DNMBP: variants seen among roughly 807,000 people sequenced by gnomAD.
DNMBP encodes the protein dynamin-binding protein.
A neutral mutation model predicts 150.0 loss-of-function variants in DNMBP; 87 were observed. That is an observed-to-expected ratio of 0.58 (90% CI 0.49 to 0.69). The LOEUF is 0.69. Ranked by LOEUF, DNMBP falls within the 30% of genes least tolerant of loss-of-function variation. The pLI is 0.00. For synonymous variants in DNMBP, 711 were observed against 750.4 expected (o/e 0.95, Z 0.86); for missense variants, 1,774 against 1,949.0 (o/e 0.91, Z 1.69).
chr10:99,932,671 A>G (rs2040173295), intron 4 of DNMBP, among the ~76,000 whole-genome samples: 1 of 148,520 alleles, frequency 6.7e-6, no homozygotes, highest in Non-Finnish European at 1.5e-5. Flanking sequence ...TTTTATTCCT[A>G]ATGCATTTCC....
In DNMBP at chr10:99,877,092, C is replaced by CGTGTCCTTAA; in HGVS notation, c.*58_*59insTTAAGGACAC. On this transcript the variant is annotated 3_prime_UTR_variant, in exon 17 of 17. Transcript: ENST00000324109. Reference sequence around the variant, plus strand: ...AGCAGGCGCCCTCTCGGTGGGCCGCCAGAACCCTCGGCGGACTGAAAGCAA... The same window carrying CGTGTCCTTAA: ...AGCAGGCGCCCTCTCGGTGGGCCGCCGTGTCCTTAAAGAACCCTCGGCGGACTGAAAGCAA... 1 of 1,383,412 alleles carries CGTGTCCTTAA rather than the reference C, an allele frequency of 7.2e-7. No individual in the cohort carries two copies. Among genetic ancestry groups the CGTGTCCTTAA allele is most frequent in the Non-Finnish European group, 9.5e-7 (1 of 1,056,936 alleles). The allele number at this position is 1,383,412 out of a possible 1,614,324, so 85.7% of individuals were successfully genotyped here. A position where few individuals can be genotyped will look rare whatever the true frequency, so the allele number is the denominator to read the frequency against.
chr10:100,000,979 T>C (rs11190360), intron 1 of DNMBP, among the ~76,000 whole-genome samples: 10,171 of 146,452 alleles, frequency 0.069, 402 homozygotes, highest in South Asian at 0.17. Context: ...ACGCCTGTAA[T>C]CCCAGCACTT....
intron 2 of DNMBP, among the ~76,000 whole-genome samples, chr10:99,969,741 T>G (rs2040655951): frequency 6.6e-6 from 1 of 152,110 alleles, no homozygotes; most frequent in Non-Finnish European, 1.5e-5. Flanking sequence ...GGCCTGCCAG[T>G]TGGAAAGTAT....
At chr10:99,935,355 A>G (rs1285847980) in intron 4 of DNMBP, among the ~76,000 whole-genome samples, 1 of 152,066 alleles carries the variant, frequency 6.6e-6, no homozygotes, top group African/African-American at 2.4e-5. Context: ...ACTTGGGAAT[A>G]TAAGACAGAC....
chr10:99,905,389 G>C (rs1299005258), intron 6 of DNMBP, among the ~76,000 whole-genome samples: 1 of 152,206 alleles, frequency 6.6e-6, no homozygotes, highest in Non-Finnish European at 1.5e-5. Context: ...TACTAGCCAT[G>C]TGACCTGGGC....
rs577874683 is a variant in DNMBP, at chr10:99,912,011, A to G, written c.2261-2865T>C. On this transcript the variant is annotated intron_variant, in intron 4 of 16. Transcript: ENST00000324109. ...AGAACATTTACTGAATTCCTATCAC[A>G]TGCCAGGTACTTTACAGATTATATC... is the stretch of plus-strand genomic sequence containing the variant. Among the ~76,000 whole-genome samples the G allele has an allele frequency of 8.5e-5, 13 of 152,336 alleles. No individual in the cohort carries two copies. In the South Asian group the frequency reaches 2.5e-3, roughly 29 times the overall value.
At chr10:99,988,469 A>G (rs1325495662) in intron 1 of DNMBP, among the ~76,000 whole-genome samples, 1 of 152,176 alleles carries the variant, frequency 6.6e-6, no homozygotes, top group Admixed American at 6.5e-5. Flanking sequence ...AGGGGAGCTT[A>G]GAATAGGTAA....
intron 4 of DNMBP, among the ~76,000 whole-genome samples, chr10:99,916,273 G>T (rs368541334): frequency 5.9e-5 from 9 of 152,192 alleles, no homozygotes; most frequent in African/African-American, 1.9e-4. Context: ...GACCAGCCTG[G>T]CCAACATGGT....
intron 1 of DNMBP, among the ~76,000 whole-genome samples, chr10:100,009,054 G>T (rs1312791065): frequency 6.6e-6 from 1 of 152,238 alleles, no homozygotes; most frequent in African/African-American, 2.4e-5. Flanking sequence ...CTAAAGGCAA[G>T]TTACCCATAT....
intron 6 of DNMBP, among the ~76,000 whole-genome samples, chr10:99,903,560 C>A (rs559130145): frequency 1.3e-5 from 2 of 151,850 alleles, no homozygotes; most frequent in South Asian, 4.2e-4. Context: ...CTCGAACTCC[C>A]GAGCTCAGCA....
intron 4 of DNMBP, among the ~76,000 whole-genome samples, chr10:99,910,367 T>C (rs1178533205): frequency 1.3e-5 from 2 of 152,084 alleles, no homozygotes; most frequent in Admixed American, 6.6e-5. Flanking sequence ...CATGGCAAGC[T>C]TCCATCTCTA....
chr10:99,952,047 AGAGT>A (rs1317956725), intron 4 of DNMBP, among the ~76,000 whole-genome samples: 11 of 152,094 alleles, frequency 7.2e-5, no homozygotes, highest in South Asian at 2.1e-4. Flanking sequence ...TGCTCTCGTG[AGAGT>A]GAGTAAGTCT....
intron 5 of DNMBP, 37 bp from the exon 6 acceptor site, chr10:99,908,131 A>G (rs368334555): frequency 2.6e-5 from 36 of 1,408,366 alleles, no homozygotes; most frequent in Non-Finnish European, 3.4e-5. Context: ...ATGCACGGAA[A>G]TGAGCTTAAT....
intron 4 of DNMBP, among the ~76,000 whole-genome samples, chr10:99,916,688 A>C (rs1310594062): frequency 6.6e-6 from 1 of 152,032 alleles, no homozygotes; most frequent in African/African-American, 2.4e-5. Context: ...TACTTTATCT[A>C]CTTTAAAAAA....
intron 12 of DNMBP, among the ~76,000 whole-genome samples, chr10:99,887,556 ATTCT>A (rs1206111907): frequency 2.6e-5 from 4 of 152,056 alleles, no homozygotes; most frequent in African/African-American, 7.2e-5. Context: ...TTTCTCTTTA[ATTCT>A]TTCTAACACA....
chr10:99,963,885 G>C (rs2040589530), intron 3 of DNMBP, among the ~76,000 whole-genome samples: 1 of 151,906 alleles, frequency 6.6e-6, no homozygotes, highest in Non-Finnish European at 1.5e-5. Flanking sequence ...TTCCATACGA[G>C]CCATGTCAGA....
intron 1 of DNMBP, among the ~76,000 whole-genome samples, chr10:99,990,738 T>C (rs2040878228): frequency 6.7e-6 from 1 of 149,620 alleles, no homozygotes; most frequent in African/African-American, 2.5e-5. Flanking sequence ...TATACATATA[T>C]ATGCACATGT....
chr10:99,887,577 T>C (rs1426410723), intron 12 of DNMBP, among the ~76,000 whole-genome samples: 1 of 151,988 alleles, frequency 6.6e-6, no homozygotes, highest in Non-Finnish European at 1.5e-5. Context: ...CACACAGACA[T>C]TAAGGGTAAG....
At chr10:99,985,319 C>T (rs1414340349) in intron 1 of DNMBP, among the ~76,000 whole-genome samples, 1 of 152,122 alleles carries the variant, frequency 6.6e-6, no homozygotes, top group African/African-American at 2.4e-5. Context: ...ACTACAGCCA[C>T]TATACTTGAA....
Sources: gnomAD v4.1 joint callset for allele counts (sites outside exome capture counted in the v4.1 genomes callset) on GRCh38, gnomAD v4.1.1 for gene constraint, MANE v1.5 for transcripts, NCBI Gene and HGNC (gene_info 2026-07-23, HGNC 2026-07-21) for gene names.